POLQ: variants seen among roughly 807,000 people sequenced by gnomAD.
The protein encoded by POLQ is DNA polymerase theta, also known as epididymis secretory sperm binding protein.
Under a neutral mutation model 259.2 loss-of-function variants are expected in POLQ, and 233 were observed. The ratio of observed to expected loss-of-function variants is 0.90; its 90% CI spans 0.81 to 1.00. The LOEUF is 1.00. Ranked by LOEUF, POLQ falls within the 50% of genes least tolerant of loss-of-function variation. The pLI is 0.00. For missense variants in POLQ, 2,871 were observed against 3,051.6 expected (o/e 0.94, Z 1.39); for synonymous variants, 1,025 against 1,048.8 (o/e 0.98, Z 0.44).
chr3:121,446,893 T>A (rs941713803), intron 26 of POLQ, among the ~76,000 whole-genome samples: 4 of 152,096 alleles, frequency 2.6e-5, no homozygotes, highest in Admixed American at 6.5e-5. Context: ...TTTCTTTTTT[T>A]AAAAAATCTA....
intron 14 of POLQ, 47 bp downstream of exon 14, chr3:121,496,761 C>A: frequency 6.4e-7 from 1 of 1,561,404 alleles, no homozygotes; most frequent in South Asian, 1.2e-5. Flanking sequence ...TTAACTCGAC[C>A]TCAAATCACA....
At chr3:121,458,428 T>C (rs1342847144) in intron 25 of POLQ, among the ~76,000 whole-genome samples, 2 of 151,688 alleles carry the variant, frequency 1.3e-5, no homozygotes, top group African/African-American at 4.9e-5. Context: ...TAAAAGGAAG[T>C]CGGGTGCCCA....
intron 25 of POLQ, among the ~76,000 whole-genome samples, chr3:121,453,324 G>C (rs1392404407): frequency 1.3e-5 from 2 of 152,130 alleles, no homozygotes; most frequent in Non-Finnish European, 2.9e-5. Flanking sequence ...ACTCTAAAAA[G>C]CAGAGCGCCT....
chr3:121,510,823 C>G (rs1199468111), intron 10 of POLQ, among the ~76,000 whole-genome samples: 1 of 151,648 alleles, frequency 6.6e-6, no homozygotes, highest in Non-Finnish European at 1.5e-5. Flanking sequence ...CGGTGGCTCA[C>G]GCCTGTAATC....
At position 121,520,077 on chromosome 3, in the gene POLQ, G is replaced by A; in HGVS notation, c.1262C>T (p.Thr421Ile). The A allele has an allele frequency of 1.2e-6, 2 of 1,602,622 alleles. No individual in the cohort carries two copies. The highest frequency in any genetic ancestry group is 1.7e-6 in the Non-Finnish European group (2 of 1,170,870). ...WGVAFHHAGLTFEERDIIEGA... is the reference protein window; with the variant it reads ...WGVAFHHAGLIFEERDIIEGA... ...TTCAATGATATCCCTCTCCTCAAAA[G>A]TAAGACCTAAAAAAAGGAGGTTTTT... Residue 421 changes from threonine to isoleucine, a missense_variant, in exon 9 of 30, where the codon ACT becomes ATT. Coordinates refer to ENST00000264233, the MANE Select transcript of POLQ (RefSeq NM_199420.4).
intron 12 of POLQ, among the ~76,000 whole-genome samples, chr3:121,499,576 A>G (rs2048150992): frequency 6.6e-6 from 1 of 152,190 alleles, no homozygotes; most frequent in Admixed American, 6.5e-5. Context: ...TTTTAATTAT[A>G]GACACTTCTA....
intron 20 of POLQ, among the ~76,000 whole-genome samples, chr3:121,475,196 C>T (rs2047916247): frequency 1.3e-5 from 2 of 152,168 alleles, no homozygotes; most frequent in African/African-American, 4.8e-5. Flanking sequence ...TGACTAGCAA[C>T]TCCCCATTTC....
chr3:121,460,139 C>T lies in POLQ; in HGVS notation c.7063G>A (p.Gly2355Arg). 6.2e-7 allele frequency: 1 copy of T among 1,612,342 alleles called. No individual in the cohort carries two copies. The highest frequency in any genetic ancestry group is 8.5e-7 in the Non-Finnish European group (1 of 1,178,384). ...GCAATGCTCCTGAAAACATCAGCTC[C>T]AGTGTTTAACACTTGAATGAGACGA... ...DRRLIQVLNTGADVFRSIAAE... is the reference protein window; with the variant it reads ...DRRLIQVLNTRADVFRSIAAE... Residue 2355 changes from glycine to arginine, a missense_variant, in exon 25 of 30, where the codon GGA becomes AGA. This residue lies in a region of POLQ where 2,080 missense variants were observed against 2,126.0 expected (regional missense o/e 0.98). Coordinates refer to ENST00000264233, the MANE Select transcript of POLQ (RefSeq NM_199420.4).
chr3:121,448,992 T>C (rs912555694), intron 26 of POLQ, among the ~76,000 whole-genome samples: 3 of 152,220 alleles, frequency 2.0e-5, no homozygotes, highest in Non-Finnish European at 2.9e-5. Context: ...TCCTAGTATA[T>C]ATACTCAATA....
chr3:121,526,185 C>T (rs990830192), intron 7 of POLQ, among the ~76,000 whole-genome samples: 1 of 152,120 alleles, frequency 6.6e-6, no homozygotes, highest in Non-Finnish European at 1.5e-5. Flanking sequence ...TGGCCCAAGG[C>T]ATTGTTCAGT....
chr3:121,464,130 T>C (rs1560090586), intron 24 of POLQ, among the ~76,000 whole-genome samples: 1 of 152,228 alleles, frequency 6.6e-6, no homozygotes, highest in Non-Finnish European at 1.5e-5. Context: ...TTGACTGATA[T>C]CACACAGCAT....
chr3:121,499,951 T>C (rs568493008), intron 12 of POLQ, among the ~76,000 whole-genome samples: 1 of 152,294 alleles, frequency 6.6e-6, no homozygotes, highest in East Asian at 1.9e-4. Context: ...GACAAAATTA[T>C]TTTTAAAAGA....
chr3:121,530,908 T>C (rs1217419004), intron 6 of POLQ, among the ~76,000 whole-genome samples: 1 of 152,012 alleles, frequency 6.6e-6, no homozygotes, highest in Non-Finnish European at 1.5e-5. Context: ...GTAAGTAAAA[T>C]ACATAAGGGA....
In POLQ at chr3:121,483,781, T is replaced by A. The variant is rs561372108; in HGVS notation, c.5774-199A>T. On this transcript the variant is annotated intron_variant, in intron 17 of 29. Coordinates refer to ENST00000264233, the MANE Select transcript of POLQ (RefSeq NM_199420.4). ...AAGTGCATCATATATCTAAAAATTA[T>A]GACTTGGGCTAGAAGATTTTTAATG... is the stretch of plus-strand genomic sequence containing the variant. 3.3e-5 allele frequency among the ~76,000 whole-genome samples: 5 copies of A among 152,212 alleles called. No individual in the cohort carries two copies. The East Asian group carries it at 9.6e-4, about 29-fold the overall frequency.
intron 25 of POLQ, among the ~76,000 whole-genome samples, chr3:121,457,792 G>A (rs547695563): frequency 0.013 from 2,049 of 152,254 alleles, 43 homozygotes; most frequent in African/African-American, 0.047. Flanking sequence ...TGGTGGGACT[G>A]TAAACTAGTT....
intron 9 of POLQ, among the ~76,000 whole-genome samples, chr3:121,512,481 C>T (rs1402982471): frequency 1.3e-5 from 2 of 152,216 alleles, no homozygotes; most frequent in Admixed American, 6.5e-5. Context: ...TATTTACCTT[C>T]TCACAATTTG....
chr3:121,534,332 T>C (rs1336225378), intron 5 of POLQ, among the ~76,000 whole-genome samples: 1 of 152,038 alleles, frequency 6.6e-6, no homozygotes, highest in Non-Finnish European at 1.5e-5. Context: ...TGCATTATTT[T>C]ACTTTTTTTT....
intron 25 of POLQ, among the ~76,000 whole-genome samples, chr3:121,453,699 C>T (rs773220814): frequency 2.0e-4 from 30 of 152,018 alleles, no homozygotes; most frequent in Admixed American, 7.2e-4. Flanking sequence ...TAAAAAGAAA[C>T]GACCAAAGCC....
At chr3:121,435,058 G>A (rs2047531775) in intron 28 of POLQ, among the ~76,000 whole-genome samples, 1 of 152,136 alleles carries the variant, frequency 6.6e-6, no homozygotes, top group Non-Finnish European at 1.5e-5. Context: ...CAGCTACTCA[G>A]GAAGCTGAGG....
Sources: gnomAD v4.1 joint callset for allele counts (sites outside exome capture counted in the v4.1 genomes callset) on GRCh38, gnomAD v4.1.1 for gene constraint, gnomAD v4.1.1 regional missense constraint, MANE v1.5 for transcripts, NCBI Gene and HGNC (gene_info 2026-07-23, HGNC 2026-07-21) for gene names.